Variants in CAMK4 observed in about 807,000 individuals in gnomAD.
The protein encoded by CAMK4 is calcium/calmodulin dependent protein kinase IV.
A neutral mutation model predicts 44.9 loss-of-function variants in CAMK4; 22 were observed. The observed-to-expected ratio is 0.49, with a 90% CI of 0.35 to 0.70. The LOEUF is 0.70. Among genes scored for constraint, CAMK4 ranks in the 30% least tolerant of loss-of-function variants. CAMK4 has a pLI of 0.01. For synonymous variants in CAMK4, 218 were observed against 215.4 expected (o/e 1.01, Z -0.11); for missense variants, 498 against 586.8 (o/e 0.85, Z 1.56).
In CAMK4 at chr5:111,224,488, T is replaced by C; in HGVS notation, c.5T>C (p.Leu2Pro). 6.2e-7 allele frequency: 1 copy of C among 1,602,978 alleles called. No individual in the cohort carries two copies. The highest frequency in any genetic ancestry group is 1.1e-5 in the South Asian group (1 of 90,156). ...TTCCGGAGTCCCGCTGCGAAGATGC[T>C]CAAAGTCACGGTGCCCTCCTGCTCC... is the stretch of plus-strand genomic sequence containing the variant. Reference protein sequence around the residue: MLKVTVPSCSAS... With the variant: MPKVTVPSCSAS... Residue 2 changes from leucine (L) to proline (P), a missense_variant, in exon 1 of 11, where the codon CTC (leucine) becomes CCC (proline). This residue lies in a region of CAMK4 where 152 missense variants were observed against 143.7 expected (regional missense o/e 1.06). Coordinates refer to ENST00000282356, the MANE Select transcript of CAMK4 (RefSeq NM_001744.6). This position sits in a 1 kb window ranked among gnomAD's most constrained non-coding sequence, Gnocchi z 5.7.
At chr5:111,424,704 C>G (rs1164433828) in intron 5 of CAMK4, among the ~76,000 whole-genome samples, 1 of 151,742 alleles carries the variant, frequency 6.6e-6, no homozygotes, top group Admixed American at 6.6e-5. Context: ...GCCTTGGCCT[C>G]CCAAAGTGCT....
chr5:111,254,156 T>C (rs1427297829), intron 1 of CAMK4, among the ~76,000 whole-genome samples: 1 of 152,194 alleles, frequency 6.6e-6, no homozygotes, highest in African/African-American at 2.4e-5. Flanking sequence ...TCTTAAAAGG[T>C]CTGTTTTGGA....
Position 111,489,895 on chromosome 5 carries a change from C to G in CAMK4, c.*5429C>G, listed in dbSNP as rs1311737668. ...CCATCCCTATGGTCATCTCTAAAGC[C>G]CTGACAGGAGCATCCCAGACTGGAG... On this transcript the variant is annotated 3_prime_UTR_variant, in exon 11 of 11. Transcript: ENST00000282356. 1 of 152,132 alleles carries G rather than the reference C, an allele frequency of 6.6e-6. No individual in the cohort carries two copies. The highest frequency in any genetic ancestry group is 2.4e-5 in the African/African-American group (1 of 41,428). 9.4% of individuals were successfully genotyped at this position (152,132 alleles called of 1,614,324 possible).
intron 1 of CAMK4, among the ~76,000 whole-genome samples, chr5:111,261,518 C>T (rs1011099174): frequency 6.6e-6 from 1 of 151,938 alleles, no homozygotes; most frequent in Non-Finnish European, 1.5e-5. Flanking sequence ...TCTTCAGTTT[C>T]CTCACCTCAA....
chr5:111,374,655 G>T (rs569150947), intron 2 of CAMK4, among the ~76,000 whole-genome samples, 195 bp from the exon 3 acceptor site: 5 of 152,214 alleles, frequency 3.3e-5, no homozygotes, highest in Middle Eastern at 6.8e-3. Flanking sequence ...CTAGTTTCTG[G>T]CTGTATGTTA....
intron 5 of CAMK4, among the ~76,000 whole-genome samples, chr5:111,421,065 T>C (rs375419162): frequency 1.3e-5 from 2 of 152,242 alleles, no homozygotes; most frequent in Non-Finnish European, 2.9e-5. Flanking sequence ...CTTTTAGAGA[T>C]TGCAGTAAAG....
At chr5:111,377,736 G>T (rs1751268713) in intron 4 of CAMK4, among the ~76,000 whole-genome samples, 1 of 152,024 alleles carries the variant, frequency 6.6e-6, no homozygotes, top group Admixed American at 6.6e-5. Flanking sequence ...AGACTAAGTA[G>T]GCATATATTA....
At chr5:111,398,012 T>C (rs1752084944) in intron 5 of CAMK4, among the ~76,000 whole-genome samples, 1 of 152,166 alleles carries the variant, frequency 6.6e-6, no homozygotes. Context: ...AAGAGTGTAC[T>C]GTAAGGCTAC....
At chr5:111,349,974 GT>G (rs972501652) in intron 2 of CAMK4, among the ~76,000 whole-genome samples, 52 of 152,026 alleles carry the variant, frequency 3.4e-4, no homozygotes, top group African/African-American at 1.1e-3. Flanking sequence ...TCTAATCTCC[GT>G]GTGTAAAATC....
In CAMK4 at chr5:111,492,578, G is replaced by A. The variant is rs1175643326; in HGVS notation, c.*8112G>A. ...GAAATGAATGAAGTCAATAGCTAAT[G>A]TTTCTCCCAGAAACTAAACAACATA... On this transcript the variant is annotated 3_prime_UTR_variant, in exon 11 of 11. Coordinates refer to ENST00000282356, the MANE Select transcript of CAMK4 (RefSeq NM_001744.6). 2 of 152,160 alleles carry A rather than the reference G, an allele frequency of 1.3e-5. No homozygotes were observed. Among genetic ancestry groups the A allele is most frequent in the African/African-American group, 4.8e-5 (2 of 41,430 alleles). 9.4% of individuals were successfully genotyped at this position (152,160 alleles called of 1,614,324 possible).
At position 111,389,609 on chromosome 5, in the gene CAMK4, C is replaced by G. The variant is rs1751728886; in HGVS notation, c.387-5101C>G. ...GAGTGCCATTTGCATGAGTAGTGCC[C>G]TCTGGAAAAGTACTGCAAAGCAGCT... On this transcript the variant is annotated intron_variant, in intron 4 of 10. Transcript: ENST00000282356. Among the ~76,000 whole-genome samples, 3 of 152,246 alleles carry G rather than the reference C, an allele frequency of 2.0e-5. No homozygotes were observed. In the South Asian group the frequency reaches 6.2e-4, roughly 32 times the overall value.
At chr5:111,325,212 G>A (rs1180237272) in intron 1 of CAMK4, among the ~76,000 whole-genome samples, 1 of 151,822 alleles carries the variant, frequency 6.6e-6, no homozygotes, top group Non-Finnish European at 1.5e-5. Context: ...GTATTCTGTG[G>A]TATATATATA....
Position 111,491,808 on chromosome 5 carries a change from ATC to A in CAMK4, c.*7347_*7348del, listed in dbSNP as rs755593485. 20 of 152,144 alleles carry A rather than the reference ATC, an allele frequency of 1.3e-4. No homozygotes were observed. Among genetic ancestry groups the A allele is most frequent in the Non-Finnish European group, 2.5e-4 (17 of 68,026 alleles). 9.4% of individuals were successfully genotyped at this position (152,144 alleles called of 1,614,324 possible). ...AATAAGAAGATCCCTATGGTTCTGA[ATC>A]TCTCATAATATTCTGAAGTAATTTA... is the stretch of plus-strand genomic sequence containing the variant. On this transcript the variant is annotated 3_prime_UTR_variant, in exon 11 of 11. Coordinates refer to ENST00000282356, the MANE Select transcript of CAMK4 (RefSeq NM_001744.6).
intron 1 of CAMK4, among the ~76,000 whole-genome samples, chr5:111,284,947 C>G (rs991500623): frequency 6.6e-6 from 1 of 152,140 alleles, no homozygotes; most frequent in Non-Finnish European, 1.5e-5. Flanking sequence ...CCCATGGAAC[C>G]TAACTGTAAA....
At chr5:111,281,408 A>G (rs1161504278) in intron 1 of CAMK4, among the ~76,000 whole-genome samples, 1 of 152,232 alleles carries the variant, frequency 6.6e-6, no homozygotes, top group Admixed American at 6.5e-5. Flanking sequence ...GGAATAAAAT[A>G]TTCTAGCCTA....
chr5:111,410,308 A>G (rs1281504905), intron 5 of CAMK4, among the ~76,000 whole-genome samples: 4 of 152,200 alleles, frequency 2.6e-5, no homozygotes, highest in Non-Finnish European at 5.9e-5. Flanking sequence ...GGGCTTGTGC[A>G]GGGGAACTCC....
chr5:111,439,163 A>G (rs1753743276), intron 5 of CAMK4, among the ~76,000 whole-genome samples: 1 of 152,072 alleles, frequency 6.6e-6, no homozygotes, highest in Admixed American at 6.5e-5. Flanking sequence ...ACAATCAAAC[A>G]CAACATTGCT....
At chr5:111,409,584 C>T (rs1297364968) in intron 5 of CAMK4, among the ~76,000 whole-genome samples, 1 of 152,228 alleles carries the variant, frequency 6.6e-6, no homozygotes, top group South Asian at 2.1e-4. Flanking sequence ...CTTCTCATTA[C>T]TTATGCAAAT....
intron 1 of CAMK4, among the ~76,000 whole-genome samples, chr5:111,230,656 T>C (rs886730719): frequency 6.6e-6 from 1 of 151,860 alleles, no homozygotes; most frequent in Admixed American, 6.6e-5. Flanking sequence ...AACCACAAAA[T>C]AGCTTCAAAG....
Sources: allele counts gnomAD v4.1 joint callset (sites outside exome capture counted in the v4.1 genomes callset), GRCh38; gene constraint gnomAD v4.1.1; regional missense constraint gnomAD v4.1.1; non-coding constraint Gnocchi (gnomAD v3.1); transcripts MANE v1.5; gene names NCBI Gene and HGNC (gene_info 2026-07-23, HGNC 2026-07-21).